SLCO1A2: variants seen among roughly 807,000 people sequenced by gnomAD.
SLCO1A2 encodes the protein OATP-1.
A neutral mutation model predicts 69.0 loss-of-function variants in SLCO1A2; 67 were observed. That is an observed-to-expected ratio of 0.97 (90% CI 0.80 to 1.19). The LOEUF (loss-of-function observed/expected upper bound fraction) is 1.19. Among genes scored for constraint, SLCO1A2 ranks in the 50% most tolerant of loss-of-function variants. SLCO1A2 has a pLI of 0.00. For missense variants in SLCO1A2, 787 were observed against 793.7 expected (o/e 0.99, Z 0.10); for synonymous variants, 260 against 265.9 (o/e 0.98, Z 0.22).
chr12:21,340,532 G>C (rs1953032742), intron 2 of SLCO1A2, among the ~76,000 whole-genome samples: 1 of 151,970 alleles, frequency 6.6e-6, no homozygotes. Flanking sequence ...CATATATTTA[G>C]CTCCATTAGC....
chr12:21,278,940 A>G (rs531677000), intron 12 of SLCO1A2, among the ~76,000 whole-genome samples: 1 of 152,174 alleles, frequency 6.6e-6, no homozygotes, highest in Non-Finnish European at 1.5e-5. Flanking sequence ...AGGAAACTCA[A>G]AGAAATTCAA....
At position 21,313,044 on chromosome 12, in the gene SLCO1A2, C is replaced by G. The variant is rs1443610758; in HGVS notation, c.335+1505G>C. Among the ~76,000 whole-genome samples the G allele has an allele frequency of 2.0e-5, 3 of 152,046 alleles. No homozygotes were observed. In the East Asian group the frequency reaches 5.8e-4, roughly 29 times the overall value. On this transcript the variant is annotated intron_variant, in intron 4 of 14. Transcript: ENST00000683939. Reference sequence around the variant, plus strand: ...CAAAGCTACAGTGAGTGAGATCGCACCACTACACCCCACCTTGGGCGTCAC... The same window carrying G: ...CAAAGCTACAGTGAGTGAGATCGCAGCACTACACCCCACCTTGGGCGTCAC...
At chr12:21,304,204 C>T (rs770867397) in intron 6 of SLCO1A2, among the ~76,000 whole-genome samples, 4 of 152,134 alleles carry the variant, frequency 2.6e-5, no homozygotes, top group Non-Finnish European at 5.9e-5. Flanking sequence ...GGGCACTAGA[C>T]TTGTGGTATT....
intron 2 of SLCO1A2, among the ~76,000 whole-genome samples, chr12:21,321,904 T>A (rs1951674606): frequency 6.6e-6 from 1 of 152,142 alleles, no homozygotes; most frequent in East Asian, 1.9e-4. Context: ...TGGATTTAGA[T>A]GTCTATAAGT....
chr12:21,398,145 A>C (rs2137180733), upstream of SLCO1A2, among the ~76,000 whole-genome samples: 1 of 149,386 alleles, frequency 6.7e-6, no homozygotes, highest in South Asian at 2.1e-4. Flanking sequence ...ATAAAGAAAA[A>C]AAGAGAGAAG....
chr12:21,401,001 C>T (rs1941682241), intron 1 of SLCO1A2, among the ~76,000 whole-genome samples: 2 of 148,564 alleles, frequency 1.3e-5, no homozygotes, highest in South Asian at 4.3e-4. Context: ...ACAATGTGCA[C>T]ATGTACCCTA....
chr12:21,398,673 C>T (rs1429252077), upstream of SLCO1A2, among the ~76,000 whole-genome samples: 2 of 151,582 alleles, frequency 1.3e-5, no homozygotes. Context: ...AAAGCTTATC[C>T]ACCATGATCA....
chr12:21,300,867 T>C (rs1948632323), intron 7 of SLCO1A2, among the ~76,000 whole-genome samples: 1 of 152,196 alleles, frequency 6.6e-6, no homozygotes, highest in South Asian at 2.1e-4. Flanking sequence ...CATCAACAAA[T>C]GATTGCTTAA....
chr12:21,371,951 G>A (rs1442780319), intron 2 of SLCO1A2, among the ~76,000 whole-genome samples: 1 of 151,480 alleles, frequency 6.6e-6, no homozygotes, highest in South Asian at 2.1e-4. Flanking sequence ...ACAGTGAGCC[G>A]AGATCGCACC....
intron 2 of SLCO1A2, among the ~76,000 whole-genome samples, chr12:21,342,679 TAATA>T (rs1221976640): frequency 1.3e-5 from 2 of 152,174 alleles, no homozygotes; most frequent in East Asian, 1.9e-4. Context: ...TTACCAAATG[TAATA>T]AATAAGTAAA....
intron 5 of SLCO1A2, among the ~76,000 whole-genome samples, chr12:21,306,592 G>A (rs780794425): frequency 6.6e-6 from 1 of 152,134 alleles, no homozygotes; most frequent in Non-Finnish European, 1.5e-5. Flanking sequence ...CTCCCAAAGT[G>A]CTGGGATTAC....
chr12:21,351,639 A>T (rs1937964697), intron 2 of SLCO1A2, among the ~76,000 whole-genome samples: 1 of 151,950 alleles, frequency 6.6e-6, no homozygotes, highest in Non-Finnish European at 1.5e-5. Context: ...TTAGCCGGGC[A>T]TGGTGGTGGG....
chr12:21,295,815 A>C, intron 9 of SLCO1A2, 23 bp from the exon 10 acceptor site: 2 of 1,297,994 alleles, frequency 1.5e-6, no homozygotes, highest in Non-Finnish European at 2.2e-6. Context: ...ATAAAATATT[A>C]TTTACAAAAT....
intron 11 of SLCO1A2, 42 bp from the exon 12 acceptor site, chr12:21,292,378 G>C (rs765966844): frequency 6.5e-7 from 1 of 1,528,644 alleles, no homozygotes; most frequent in African/African-American, 1.4e-5. Context: ...TAAAAATCTT[G>C]AACACAAATT....
intron 2 of SLCO1A2, among the ~76,000 whole-genome samples, chr12:21,330,859 A>G (rs1476581283): frequency 6.6e-6 from 1 of 152,110 alleles, no homozygotes; most frequent in Non-Finnish European, 1.5e-5. Context: ...TGTTTTACTA[A>G]CCTTATTACA....
chr12:21,370,304 C>A (rs1287370422), intron 2 of SLCO1A2, among the ~76,000 whole-genome samples: 1 of 151,576 alleles, frequency 6.6e-6, no homozygotes, highest in Non-Finnish European at 1.5e-5. Context: ...ATATGATAGT[C>A]CTTATAAAAT....
intron 2 of SLCO1A2, among the ~76,000 whole-genome samples, chr12:21,373,931 T>C (rs1462181056): frequency 1.3e-5 from 2 of 152,194 alleles, no homozygotes; most frequent in East Asian, 3.8e-4. Context: ...AGCAAATTAA[T>C]GTTTTTAAGA....
rs1949107094 is a variant in SLCO1A2 at position 21,304,495 on chromosome 12, G to A, written c.521C>T (p.Pro174Leu). ...GNIVRGMGET[P>L]ILPLGISYIE... ...ATAGGAAATACCCAAAGGCAGGATG[G>A]GAGTTTCACCCATTCCACGTACAAT... Residue 174 changes from proline to leucine, a missense_variant, in exon 6 of 15, where the codon CCC (proline) becomes CTC (leucine). Transcript: ENST00000683939. The A allele has an allele frequency of 2.5e-6, 4 of 1,612,554 alleles. No individual in the cohort carries two copies. Among genetic ancestry groups the A allele is most frequent in the Non-Finnish European group, 3.4e-6 (4 of 1,178,842 alleles).
chr12:21,415,397 A>G (rs1238767458), intron 1 of SLCO1A2, among the ~76,000 whole-genome samples: 3 of 152,018 alleles, frequency 2.0e-5, no homozygotes, highest in Non-Finnish European at 4.4e-5. Context: ...TTTACCTCAT[A>G]TATTTCATAT....
Sources: gnomAD v4.1 joint callset for allele counts (sites outside exome capture counted in the v4.1 genomes callset) on GRCh38, gnomAD v4.1.1 for gene constraint, MANE v1.5 for transcripts, NCBI Gene and HGNC (gene_info 2026-07-23, HGNC 2026-07-21) for gene names.